The following PHLPP1 variants were observed in gnomAD, a reference collection of about 807,000 sequenced individuals.
PHLPP1 encodes the protein PH domain and leucine rich repeat protein phosphatase 1, also known as PH domain leucine-rich repeat-containing protein phosphatase 1.
A neutral mutation model predicts 117.2 loss-of-function variants in PHLPP1; 42 were observed. The observed-to-expected ratio is 0.36, with a 90% CI of 0.28 to 0.46. PHLPP1 has a LOEUF of 0.46. Ranked by LOEUF, PHLPP1 falls within the 20% of genes least tolerant of loss-of-function variation. PHLPP1 has a pLI of 1.00. For synonymous variants in PHLPP1, 1,042 were observed against 970.7 expected (o/e 1.07, Z -1.37); for missense variants, 2,084 against 2,241.9 (o/e 0.93, Z 1.42).
intron 4 of PHLPP1, among the ~76,000 whole-genome samples, chr18:62,880,847 C>T (rs1270387901): frequency 1.3e-5 from 2 of 152,126 alleles, no homozygotes; most frequent in African/African-American, 4.8e-5. Context: ...GCTGTTTTCA[C>T]GTAATTACCA....
intron 14 of PHLPP1, 42 bp from the exon 15 acceptor site, chr18:62,972,472 G>A (rs916213491): frequency 6.4e-7 from 1 of 1,566,946 alleles, no homozygotes; most frequent in Non-Finnish European, 8.7e-7. Flanking sequence ...CCTGGAGCAG[G>A]AGGATGAGTG....
At chr18:62,913,735 CTCTCTTTTTT>C (rs1195158292) in intron 8 of PHLPP1, among the ~76,000 whole-genome samples, 113 of 113,812 alleles carry the variant, frequency 9.9e-4, no homozygotes, top group African/African-American at 3.2e-3. Flanking sequence ...AGTTCTCTCT[CTCTCTTTTTT>C]TTTTTTTTTT....
chr18:62,976,876 G>A (rs1011652909), intron 16 of PHLPP1, among the ~76,000 whole-genome samples: 1 of 152,126 alleles, frequency 6.6e-6, no homozygotes, highest in African/African-American at 2.4e-5. Flanking sequence ...ACTGCTGTCT[G>A]CCCACGTCAT....
chr18:62,826,009 ACTT>A (rs925803779), intron 1 of PHLPP1, among the ~76,000 whole-genome samples: 9 of 152,216 alleles, frequency 5.9e-5, no homozygotes, highest in African/African-American at 2.2e-4. Context: ...TTAAACCACC[ACTT>A]CTTCATGTTT....
intron 1 of PHLPP1, chr18:62,824,131 CAAA>C (rs34639796): frequency 4.1e-3 from 1,407 of 341,688 alleles, no homozygotes; most frequent in East Asian, 6.8e-3. Context: ...AACTCCGTCT[CAAA>C]AAAAAAAAAA....
chr18:62,888,287 A>ATGTGTGTGTGTGTGTGTGTGTGTGTGTG (rs200659921), intron 4 of PHLPP1, among the ~76,000 whole-genome samples: 1 of 130,864 alleles, frequency 7.6e-6, no homozygotes, highest in Non-Finnish European at 1.6e-5. Flanking sequence ...ATTTCACAAA[A>ATGTGTGTGTGTGTGTGTGTGTGTGTGTG]TGTGTGTGTG....
chr18:62,740,694 TG>T (rs1911499805), intron 1 of PHLPP1, among the ~76,000 whole-genome samples: 1 of 152,174 alleles, frequency 6.6e-6, no homozygotes, highest in African/African-American at 2.4e-5. Flanking sequence ...TAATTATGGC[TG>T]GGCATGGTGG....
intron 1 of PHLPP1, among the ~76,000 whole-genome samples, chr18:62,820,859 G>T (rs948171363): frequency 6.6e-6 from 1 of 152,176 alleles, no homozygotes; most frequent in African/African-American, 2.4e-5. Context: ...ATTCAGCACT[G>T]TAAGACAAGG....
rs924144195 is a variant in PHLPP1, at chr18:62,737,787, G to T, written c.1576+20528G>T. Among the ~76,000 whole-genome samples the T allele has an allele frequency of 2.6e-5, 4 of 152,218 alleles. No homozygotes were observed. In the East Asian group the frequency reaches 5.8e-4, roughly 22 times the overall value. On this transcript the variant is annotated intron_variant, in intron 1 of 16. Transcript: ENST00000262719. Reference sequence around the variant, plus strand: ...GAGTGGATGGGATAGGACATTTTTGGCAGGGGACCTAGAAGTTAGATGAAG... The same window carrying T: ...GAGTGGATGGGATAGGACATTTTTGTCAGGGGACCTAGAAGTTAGATGAAG...
intron 1 of PHLPP1, among the ~76,000 whole-genome samples, chr18:62,817,659 A>C (rs189829658): frequency 1.8e-4 from 27 of 152,258 alleles, no homozygotes; most frequent in Admixed American, 1.6e-3. Context: ...TCAGAAAAAA[A>C]ATTTAAAATA....
At chr18:62,761,667 T>TA (rs879729374) in intron 1 of PHLPP1, among the ~76,000 whole-genome samples, 46 of 134,046 alleles carry the variant, frequency 3.4e-4, no homozygotes, top group Admixed American at 5.8e-4. Context: ...AAATAAAAAA[T>TA]AAAAAAAAAA....
chr18:62,891,074 G>A (rs1165437553), intron 4 of PHLPP1, among the ~76,000 whole-genome samples: 2 of 152,108 alleles, frequency 1.3e-5, no homozygotes, highest in Non-Finnish European at 2.9e-5. Context: ...TATAAACATT[G>A]AATAACTTTT....
chr18:62,851,624 C>G (rs776277282), intron 3 of PHLPP1, among the ~76,000 whole-genome samples: 5 of 152,078 alleles, frequency 3.3e-5, no homozygotes, highest in Non-Finnish European at 5.9e-5. Flanking sequence ...CCACACCCGG[C>G]TAATATTTGT....
intron 14 of PHLPP1, among the ~76,000 whole-genome samples, chr18:62,968,742 T>A (rs1054107684): frequency 6.6e-6 from 1 of 152,008 alleles, no homozygotes; most frequent in African/African-American, 2.4e-5. Context: ...TTTCACCATG[T>A]TGGCCAGGCT....
chr18:62,929,972 C>T (rs532534286), intron 10 of PHLPP1, among the ~76,000 whole-genome samples: 5 of 151,852 alleles, frequency 3.3e-5, no homozygotes, highest in South Asian at 2.1e-4. Context: ...AAAAATAATG[C>T]GCTTAGAAAT....
intron 10 of PHLPP1, among the ~76,000 whole-genome samples, chr18:62,927,999 A>C (rs1470945128): frequency 6.6e-6 from 1 of 152,316 alleles, no homozygotes; most frequent in African/African-American, 2.4e-5. Context: ...TTTAAAAGGC[A>C]AATATTTAGA....
chr18:62,865,813 T>C (rs937490227), intron 4 of PHLPP1, among the ~76,000 whole-genome samples: 2 of 152,116 alleles, frequency 1.3e-5, no homozygotes, highest in African/African-American at 4.8e-5. Context: ...TTCTTACTTA[T>C]AAGTGGGTGT....
intron 4 of PHLPP1, among the ~76,000 whole-genome samples, chr18:62,894,683 C>T (rs1278834485): frequency 6.6e-6 from 1 of 152,254 alleles, no homozygotes; most frequent in Non-Finnish European, 1.5e-5. Context: ...TCCTCCTTCA[C>T]TGGGGCCATT....
At chr18:62,878,786 G>A (rs996958535) in intron 4 of PHLPP1, among the ~76,000 whole-genome samples, 2 of 152,162 alleles carry the variant, frequency 1.3e-5, no homozygotes, top group African/African-American at 4.8e-5. Flanking sequence ...TATTGTGTGT[G>A]TGTGTGTGTG....
Sources: gnomAD v4.1 joint callset for allele counts (sites outside exome capture counted in the v4.1 genomes callset) on GRCh38, gnomAD v4.1.1 for gene constraint, MANE v1.5 for transcripts, NCBI Gene and HGNC (gene_info 2026-07-23, HGNC 2026-07-21) for gene names.